Variants in IFI27L1 observed in about 807,000 individuals in gnomAD.
IFI27L1 encodes interferon alpha-inducible protein 27-like protein 1.
IFI27L1 carries 3 observed loss-of-function variants against 9.2 expected under a neutral mutation model. That is an observed-to-expected ratio of 0.32 (90% CI 0.15 to 0.84). The LOEUF (loss-of-function observed/expected upper bound fraction) is 0.84, where lower values mean the gene tolerates loss of function less well. Ranked by LOEUF, IFI27L1 falls within the 40% of genes least tolerant of loss-of-function variation. The pLI is 0.56. For synonymous variants in IFI27L1, 53 were observed against 50.0 expected (o/e 1.06, Z -0.26); for missense variants, 133 against 134.2 (o/e 0.99, Z 0.05).
chr14:94,102,536 G>A lies in IFI27L1; in HGVS notation c.283G>A (p.Gly95Arg), dbSNP rs1307137507. The change falls in exon 5 of 5, where the codon GGG becomes AGG. Residue 95 changes from glycine (G) to arginine (R), a missense_variant. Physicochemically the swap from Gly to Arg is moderately radical, Grantham distance 125. Transcript: ENST00000555523. ...VIGGFAGTAL[G>R]AWLGSPPSS ...CGGGGGCTTTGCTGGGACAGCTCTT[G>A]GGGCCTGGCTGGGTTCACCCCCTTC... The A allele has an allele frequency of 6.3e-7, 1 of 1,586,410 alleles. No homozygotes were observed. Among genetic ancestry groups the A allele is most frequent in the Admixed American group, 1.7e-5 (1 of 57,254 alleles).
intron 1 of IFI27L1, among the ~76,000 whole-genome samples, chr14:94,093,441 G>T (rs1191018192): frequency 6.6e-6 from 1 of 152,196 alleles, no homozygotes; most frequent in African/African-American, 2.4e-5. Context: ...AAATTGTTGG[G>T]ATTACAGGCT....
chr14:94,102,014 A>G, intron 4 of IFI27L1, 39 bp downstream of exon 4: 1 of 1,612,592 alleles, frequency 6.2e-7, no homozygotes, highest in Admixed American at 1.7e-5. Context: ...CCAGGAGATG[A>G]TCCAGCCCCG....
In IFI27L1 at chr14:94,100,754, C is replaced by T. The variant is rs770677069; in HGVS notation, c.44C>T (p.Ala15Val). ...TTGTCTCCAGGCAGGGCTGCTGTAG[C>T]AGCTGTGGTCGGAGGAGGTGAGTCT... ...SGWDSGRAAVAAVVGGVVAVG... is the reference protein window; with the variant it reads ...SGWDSGRAAVVAVVGGVVAVG... The change falls in exon 3 of 5, where the codon GCA (alanine) becomes GTA (valine). Residue 15 changes from alanine (A) to valine (V), a missense_variant. By Grantham distance (64) the Ala-to-Val change is moderately conservative (BLOSUM62 0). Transcript: ENST00000555523. 6.2e-7 allele frequency: 1 copy of T among 1,613,632 alleles called. No individual in the cohort carries two copies. The highest frequency in any genetic ancestry group is 2.2e-5 in the East Asian group (1 of 44,882).
chr14:94,096,205 A>G (rs1284780822), intron 1 of IFI27L1, among the ~76,000 whole-genome samples: 2 of 152,194 alleles, frequency 1.3e-5, no homozygotes, highest in African/African-American at 4.8e-5. Flanking sequence ...GGACTTGCTT[A>G]TCCCATGGGC....
chr14:94,101,211 C>T (rs1886882810), intron 3 of IFI27L1: 2 of 286,820 alleles, frequency 7.0e-6, no homozygotes, highest in South Asian at 1.4e-4. Context: ...CAGTGTCCTC[C>T]AATGCAATGG....
At chr14:94,090,794 A>G (rs1025027427) in intron 1 of IFI27L1, among the ~76,000 whole-genome samples, 3 of 152,228 alleles carry the variant, frequency 2.0e-5, no homozygotes, top group African/African-American at 7.2e-5. Flanking sequence ...GATGTCTCCA[A>G]TTGCATCCAA....
intron 1 of IFI27L1, among the ~76,000 whole-genome samples, chr14:94,082,247 C>A (rs987439540): frequency 6.6e-6 from 1 of 152,154 alleles, no homozygotes; most frequent in African/African-American, 2.4e-5. Flanking sequence ...CCCTGATTCT[C>A]TTCTATTCTA....
At position 94,102,602 on chromosome 14, in the gene IFI27L1, G is replaced by A. The variant is rs768862926; in HGVS notation, c.*34G>A. On this transcript the variant is annotated 3_prime_UTR_variant, in exon 5 of 5. Coordinates refer to ENST00000555523, the MANE Select transcript of IFI27L1 (RefSeq NM_206949.3). ...CTGAGGCAGGGAGTTGGCTCTCTTG[G>A]TGGAGATGACTTTCCTGGGCCTCTG... The A allele has an allele frequency of 2.3e-6, 3 of 1,319,842 alleles. No homozygotes were observed. The South Asian group carries it at 4.6e-5, about 20-fold the overall frequency. 81.8% of individuals were successfully genotyped at this position (1,319,842 alleles called of 1,614,324 possible).
chr14:94,100,103 A>T (rs927320172), intron 2 of IFI27L1: 6 of 188,488 alleles, frequency 3.2e-5, no homozygotes, highest in African/African-American at 1.4e-4. Flanking sequence ...GAAGCAAGGA[A>T]ATAAGAACTG....
chr14:94,102,649 A>T lies in IFI27L1; in HGVS notation c.*81A>T. On this transcript the variant is annotated 3_prime_UTR_variant, in exon 5 of 5. Transcript: ENST00000555523. Reference sequence around the variant, plus strand: ...TCTGGATGACAATCTTCCAAAGGACAAGTCTCCTACTCCCAAAACTATTTA... The same window carrying T: ...TCTGGATGACAATCTTCCAAAGGACTAGTCTCCTACTCCCAAAACTATTTA... 1 of 747,860 alleles carries T rather than the reference A, an allele frequency of 1.3e-6. No individual in the cohort carries two copies. Among genetic ancestry groups the T allele is most frequent in the Non-Finnish European group, 2.1e-6 (1 of 471,408 alleles). The allele number at this position is 747,860 out of a possible 1,614,324, so 46.3% of individuals were successfully genotyped here.
chr14:94,098,925 A>C (rs575021713), intron 2 of IFI27L1, among the ~76,000 whole-genome samples: 2 of 152,362 alleles, frequency 1.3e-5, no homozygotes, highest in African/African-American at 4.8e-5. Flanking sequence ...GCTCAAGGTC[A>C]TGCAGCTCTG....
At chr14:94,101,669 A>C in intron 3 of IFI27L1, 145 bp from the exon 4 acceptor site, 1 of 725,812 alleles carries the variant, frequency 1.4e-6, no homozygotes, top group Non-Finnish European at 2.3e-6. Flanking sequence ...TTACACGTTG[A>C]CTGCCCTTGT....
In IFI27L1 at chr14:94,102,531, C is replaced by T; in HGVS notation, c.278C>T (p.Ala93Val). ...SKVIGGFAGT[A>V]LGAWLGSPPS... ...GTTATCGGGGGCTTTGCTGGGACAG[C>T]TCTTGGGGCCTGGCTGGGTTCACCC... Residue 93 changes from alanine to valine, a missense_variant, in exon 5 of 5, where the codon GCT becomes GTT. By Grantham distance (64) the Ala-to-Val change is moderately conservative. Coordinates refer to ENST00000555523, the MANE Select transcript of IFI27L1 (RefSeq NM_206949.3). 6.3e-7 allele frequency: 1 copy of T among 1,589,552 alleles called. No homozygotes were observed. The highest frequency in any genetic ancestry group is 2.3e-5 in the East Asian group (1 of 42,814).
chr14:94,100,775 A>G lies in IFI27L1; in HGVS notation c.61+4A>G, dbSNP rs762518590. ...GTAGCAGCTGTGGTCGGAGGAGGTG[A>G]GTCTCTATGGGAAGGAACTCAAGCC... On this transcript the variant is annotated splice_donor_region_variant and intron_variant, in intron 3 of 4. Transcript: ENST00000555523. 39 of 1,613,414 alleles carry G rather than the reference A, an allele frequency of 2.4e-5. No homozygotes were observed. In the South Asian group the frequency reaches 4.3e-4, roughly 18 times the overall value.
rs1272891378 is a variant in IFI27L1 at position 94,096,461 on chromosome 14, C to G, written c.-51-426C>G. On this transcript the variant is annotated intron_variant, in intron 1 of 4. Coordinates refer to ENST00000555523, the MANE Select transcript of IFI27L1 (RefSeq NM_206949.3). ...CTGTAATCCCAGCACTTTGGGAGGC[C>G]AGGGTGGGCGGATCACGAGGTCAGG... Among the ~76,000 whole-genome samples, 4 of 152,086 alleles carry G rather than the reference C, an allele frequency of 2.6e-5. No homozygotes were observed. The East Asian group carries it at 7.7e-4, about 29-fold the overall frequency.
At chr14:94,097,566 A>C in intron 2 of IFI27L1, 1 of 698,916 alleles carries the variant, frequency 1.4e-6, no homozygotes, top group Non-Finnish European at 2.6e-6. Flanking sequence ...GAGCAGAGGC[A>C]GAGAGACAAG....
At chr14:94,090,824 C>T (rs1886450986) in intron 1 of IFI27L1, among the ~76,000 whole-genome samples, 1 of 152,192 alleles carries the variant, frequency 6.6e-6, no homozygotes, top group African/African-American at 2.4e-5. Context: ...GAAATGGATT[C>T]TTATTGTACT....
chr14:94,095,732 G>A (rs1338769895), intron 1 of IFI27L1, among the ~76,000 whole-genome samples: 1 of 152,058 alleles, frequency 6.6e-6, no homozygotes, highest in African/African-American at 2.4e-5. Context: ...ATTACCATGG[G>A]GAGGGCACCA....
rs77052432 is a variant in IFI27L1, at chr14:94,087,263, G to C, written c.-52+5814G>C. ...TAGTTTCTGGGCAGATGTGCTCACG[G>C]AAGTATTTTTTGTGTAAGGTTGTGA... is the stretch of plus-strand genomic sequence containing the variant. On this transcript the variant is annotated intron_variant, in intron 1 of 4. Coordinates refer to ENST00000555523, the MANE Select transcript of IFI27L1 (RefSeq NM_206949.3). Among the ~76,000 whole-genome samples, 7 of 152,334 alleles carry C rather than the reference G, an allele frequency of 4.6e-5. No individual in the cohort carries two copies. In the East Asian group the frequency reaches 1.3e-3, roughly 29 times the overall value.
Sources: allele counts gnomAD v4.1 joint callset (sites outside exome capture counted in the v4.1 genomes callset), GRCh38; gene constraint gnomAD v4.1.1; transcripts MANE v1.5; gene names NCBI Gene and HGNC (gene_info 2026-07-23, HGNC 2026-07-21).